The following RSRP1 variants were observed in gnomAD, a reference collection of about 807,000 sequenced individuals.
RSRP1 encodes the protein arginine and serine rich protein 1, also known as arginine/serine-rich protein 1.
Under a neutral mutation model 33.0 loss-of-function variants are expected in RSRP1, and 37 were observed. The observed-to-expected ratio is 1.12, with a 90% CI of 0.86 to 1.48. The LOEUF is 1.48. RSRP1 is among the 40% of genes most tolerant of loss of function. The probability of loss-of-function intolerance (pLI) is 0.00; values close to 1 mark genes in which losing one functional copy is unlikely to be tolerated. For missense variants in RSRP1, 402 were observed against 385.3 expected (o/e 1.04, Z -0.36); for synonymous variants, 167 against 158.7 (o/e 1.05, Z -0.40).
intron 1 of RSRP1, among the ~76,000 whole-genome samples, chr1:25,276,517 A>ACC (rs59535574): frequency 1.1e-4 from 10 of 91,704 alleles, no homozygotes; most frequent in African/African-American, 4.3e-4. Flanking sequence ...ACATAGGGAG[A>ACC]CCCCCCCCCA....
chr1:25,299,964 G>A (rs1643259373), intron 1 of RSRP1, among the ~76,000 whole-genome samples: 1 of 130,462 alleles, frequency 7.7e-6, no homozygotes, highest in Non-Finnish European at 1.8e-5. Context: ...TGGCCAGGCT[G>A]GTATCGAACT....
chr1:25,287,475 T>G (rs1244718489), intron 1 of RSRP1, among the ~76,000 whole-genome samples: 4 of 134,960 alleles, frequency 3.0e-5, no homozygotes, highest in Non-Finnish European at 7.0e-5. Context: ...CCTGACCGGT[T>G]CCCGTCAGGG....
intron 1 of RSRP1, among the ~76,000 whole-genome samples, chr1:25,315,086 C>T (rs1644366924): frequency 7.8e-6 from 1 of 128,480 alleles, no homozygotes; most frequent in Admixed American, 7.6e-5. Context: ...TGCCTGTAGT[C>T]TCAGCTACTC....
At chr1:25,257,137 C>CA (rs1639973368) in intron 1 of RSRP1, among the ~76,000 whole-genome samples, 1 of 152,154 alleles carries the variant, frequency 6.6e-6, no homozygotes, top group Admixed American at 6.6e-5. Context: ...TATTGCCTTC[C>CA]AAAAAAGGTT....
intron 1 of RSRP1, among the ~76,000 whole-genome samples, chr1:25,318,775 C>A (rs539184341): frequency 7.6e-6 from 1 of 131,972 alleles, no homozygotes; most frequent in African/African-American, 2.6e-5. Context: ...TCCCTCTGAG[C>A]CTTGGTTAGC....
At chr1:25,255,004 C>G (rs534271725) in intron 1 of RSRP1, among the ~76,000 whole-genome samples, 1 of 152,286 alleles carries the variant, frequency 6.6e-6, no homozygotes, top group Admixed American at 6.5e-5. Flanking sequence ...TCCACGCACA[C>G]TTTTGCTCAC....
chr1:25,334,877 G>A (rs1361691258), intron 1 of RSRP1, among the ~76,000 whole-genome samples: 2 of 129,866 alleles, frequency 1.5e-5, no homozygotes, highest in East Asian at 1.9e-4. Context: ...TGAGGACCCC[G>A]GGCCTGGCCA....
At chr1:25,263,860 G>A (rs1167043297) in intron 1 of RSRP1, among the ~76,000 whole-genome samples, 1 of 152,048 alleles carries the variant, frequency 6.6e-6, no homozygotes, top group Non-Finnish European at 1.5e-5. Context: ...TACAATGGGG[G>A]TACAGGCATT....
chr1:25,278,921 T>G (rs920683247), intron 1 of RSRP1, among the ~76,000 whole-genome samples: 5 of 128,548 alleles, frequency 3.9e-5, no homozygotes, highest in African/African-American at 1.3e-4. Context: ...GCTGCAGTGG[T>G]CTTTCCAGGC....
rs1643627730 is a variant in RSRP1 at position 25,304,367 on chromosome 1, G to A, written c.-67+33611C>T. On this transcript the variant is annotated intron_variant, in intron 1 of 1. Transcript: ENST00000561867. ...TGGCTCACGCGCTTTGGGAGGCCGAGGCGGGCAGATGGCCTGAGGTCAGGA... is the reference window on the plus strand; with the variant it reads ...TGGCTCACGCGCTTTGGGAGGCCGAAGCGGGCAGATGGCCTGAGGTCAGGA... 2 of 124,750 alleles carry A rather than the reference G, an allele frequency of 1.6e-5. 1 individual carries two copies. The highest frequency in any genetic ancestry group is 3.7e-5 in the Non-Finnish European group (2 of 53,346). 7.7% of individuals were successfully genotyped at this position (124,750 alleles called of 1,614,324 possible).
upstream of RSRP1, among the ~76,000 whole-genome samples, chr1:25,251,342 A>G (rs1013709441): frequency 6.6e-6 from 1 of 152,198 alleles, no homozygotes. Context: ...ATAGGAAAAT[A>G]AAACATTCAG....
At chr1:25,267,038 AT>A (rs1405180501) in intron 1 of RSRP1, 1 of 114,244 alleles carries the variant, frequency 8.8e-6, no homozygotes, top group Non-Finnish European at 2.0e-5. Context: ...CCGGGGCTGG[AT>A]CTGACTCCTT....
intron 1 of RSRP1, chr1:25,330,534 T>TTGCACAAAAGAGAACCAATAG (rs999236275): frequency 7.5e-6 from 1 of 133,122 alleles, no homozygotes; most frequent in African/African-American, 2.6e-5. Context: ...TAAGCACTAT[T>TTGCACAAAAGAGAACCAATAG]TGCACAAAAG....
At chr1:25,246,409 A>G (rs1639396820) in intron 2 of RSRP1, 35 bp downstream of exon 2, 8 of 1,601,542 alleles carry the variant, frequency 5.0e-6, no homozygotes, top group Non-Finnish European at 6.8e-6. Flanking sequence ...GCCACCATAC[A>G]TTACCACAAA....
At chr1:25,302,033 C>G (rs1304882034) in intron 1 of RSRP1, among the ~76,000 whole-genome samples, 1 of 130,524 alleles carries the variant, frequency 7.7e-6, no homozygotes, top group Non-Finnish European at 1.8e-5. Context: ...TAGCCAGCCT[C>G]TCTCTTCCCC....
intron 1 of RSRP1, among the ~76,000 whole-genome samples, chr1:25,263,415 T>C (rs569765540): frequency 2.0e-5 from 3 of 151,820 alleles, no homozygotes; most frequent in South Asian, 4.2e-4. Flanking sequence ...CTCACAATCA[T>C]GGCGAAAGGC....
intron 1 of RSRP1, among the ~76,000 whole-genome samples, chr1:25,286,520 T>C (rs183024534): frequency 0.021 from 2,784 of 134,672 alleles, 422 homozygotes; most frequent in African/African-American, 0.066. Flanking sequence ...GGCGCAGTGG[T>C]TCATGCCTGT....
At chr1:25,249,318 TA>T (rs1207370405), upstream of RSRP1, among the ~76,000 whole-genome samples, 1 of 152,112 alleles carries the variant, frequency 6.6e-6, no homozygotes, top group African/African-American at 2.4e-5. Context: ...AATGTGTGCC[TA>T]AAAAATGGTG....
intron 1 of RSRP1, among the ~76,000 whole-genome samples, chr1:25,299,816 C>T (rs1643241951): frequency 7.6e-6 from 1 of 131,830 alleles, no homozygotes; most frequent in Admixed American, 7.4e-5. Flanking sequence ...GTGGCGACAT[C>T]TCAGCTCACT....
Sources: gnomAD v4.1 joint callset for allele counts (sites outside exome capture counted in the v4.1 genomes callset) on GRCh38, gnomAD v4.1.1 for gene constraint, MANE v1.5 for transcripts, NCBI Gene and HGNC (gene_info 2026-07-23, HGNC 2026-07-21) for gene names.